The following IQSEC1 variants were observed in gnomAD, a reference collection of about 807,000 sequenced individuals.
IQSEC1 encodes IQ motif and SEC7 domain-containing protein 1.
A neutral mutation model predicts 91.0 loss-of-function variants in IQSEC1; 31 were observed. That is an observed-to-expected ratio of 0.34 (90% CI 0.26 to 0.46). The LOEUF (loss-of-function observed/expected upper bound fraction) is 0.46. IQSEC1 is among the 20% of genes least tolerant of loss of function. IQSEC1 has a pLI of 1.00. For missense variants in IQSEC1, 1,388 were observed against 1,575.6 expected, an observed-to-expected ratio of 0.88 and a Z score of 2.02; for synonymous variants, 699 against 662.6, an observed-to-expected ratio of 1.05 and a Z score of -0.84.
rs966762164 is a variant in IQSEC1 at position 13,022,031 on chromosome 3, A to T, written c.23+50961T>A. On this transcript the variant is annotated intron_variant, in intron 1 of 13. Coordinates refer to ENST00000613206, the MANE Select transcript of IQSEC1 (RefSeq NM_001134382.3). ...AGAGCAGCCATGCACGCGTCCCGGTACCTGAGTGTCCTCACAGAGATGCAG... is the reference window on the plus strand; with the variant it reads ...AGAGCAGCCATGCACGCGTCCCGGTTCCTGAGTGTCCTCACAGAGATGCAG... 3.2e-6 allele frequency: 4 copies of T among 1,231,486 alleles called. No homozygotes were observed. The African/African-American group carries it at 6.2e-5, about 19-fold the overall frequency. 76.3% of individuals were successfully genotyped at this position (1,231,486 alleles called of 1,614,324 possible).
At position 12,908,978 on chromosome 3, in the gene IQSEC1, G is replaced by A. The variant is rs1251668612; in HGVS notation, c.2578+295C>T. Among the ~76,000 whole-genome samples, 1 of 152,168 alleles carries A rather than the reference G, an allele frequency of 6.6e-6. No individual in the cohort carries two copies. The highest frequency in any genetic ancestry group is 6.5e-5 in the Admixed American group (1 of 15,274). The stretch of plus-strand genomic sequence containing the variant: ...AGCCTGATGCAGAAGATGACGAGGT[G>A]CAGAGAGGCCAGCTGGGAACTCTGC... On this transcript the variant is annotated intron_variant, in intron 11 of 13. Transcript: ENST00000613206. This position sits in a 1 kb window ranked among gnomAD's most constrained non-coding sequence, Gnocchi z 4.9.
intron 1 of IQSEC1, among the ~76,000 whole-genome samples, chr3:13,033,397 G>T (rs1019722748): frequency 6.6e-6 from 1 of 152,116 alleles, no homozygotes; most frequent in Non-Finnish European, 1.5e-5. Flanking sequence ...AGAGCGAGGC[G>T]CATTTCTCCT....
At chr3:13,048,674 A>C (rs956399809) in intron 1 of IQSEC1, among the ~76,000 whole-genome samples, 1 of 152,184 alleles carries the variant, frequency 6.6e-6, no homozygotes, top group African/African-American at 2.4e-5. Context: ...AAGGAGGCTG[A>C]CCTTCCTTCC....
intron 1 of IQSEC1, among the ~76,000 whole-genome samples, chr3:13,005,452 G>A (rs1247090330): frequency 1.3e-5 from 2 of 152,166 alleles, no homozygotes; most frequent in Non-Finnish European, 2.9e-5. Context: ...GCAGCAGCTG[G>A]GCCAAGGCTG....
intron 1 of IQSEC1, among the ~76,000 whole-genome samples, chr3:13,236,746 C>T (rs763052464): frequency 7.2e-5 from 11 of 152,248 alleles, no homozygotes; most frequent in Non-Finnish European, 1.6e-4. Context: ...GAAGGGTGGG[C>T]TCGCTGCCAT....
intron 2 of IQSEC1, among the ~76,000 whole-genome samples, chr3:13,154,996 G>A (rs1707063366): frequency 6.6e-6 from 1 of 152,114 alleles, no homozygotes; most frequent in Non-Finnish European, 1.5e-5. Flanking sequence ...GTAGTACTAA[G>A]GAGGAAATTT....
At chr3:13,130,360 AAAG>A (rs1380071360) in intron 2 of IQSEC1, among the ~76,000 whole-genome samples, 4 of 144,814 alleles carry the variant, frequency 2.8e-5, no homozygotes, top group African/African-American at 1.1e-4. Flanking sequence ...AAAAAAAAAA[AAAG>A]AAAGAAAGAA....
intron 1 of IQSEC1, among the ~76,000 whole-genome samples, chr3:13,219,908 G>A (rs573256254): frequency 9.2e-5 from 14 of 152,308 alleles, no homozygotes; most frequent in Admixed American, 3.9e-4. Flanking sequence ...TTTGACTTTG[G>A]GACTTGAATG....
At chr3:13,033,356 A>T (rs181763382) in intron 1 of IQSEC1, among the ~76,000 whole-genome samples, 12 of 152,226 alleles carry the variant, frequency 7.9e-5, no homozygotes, top group African/African-American at 2.2e-4. Flanking sequence ...AACAGAAATG[A>T]GTTTCCTCAC....
chr3:12,930,775 G>A (rs1191744608), intron 3 of IQSEC1, among the ~76,000 whole-genome samples: 1 of 152,120 alleles, frequency 6.6e-6, no homozygotes, highest in African/African-American at 2.4e-5. Context: ...CATGATTAAC[G>A]CAGAGACCAA....
chr3:12,993,953 C>T (rs1314348537), intron 1 of IQSEC1, among the ~76,000 whole-genome samples: 1 of 151,720 alleles, frequency 6.6e-6, no homozygotes, highest in Non-Finnish European at 1.5e-5. Context: ...CAACCGCGGC[C>T]CCGGGGGCGG....
chr3:13,117,667 A>G (rs1706358917), intron 2 of IQSEC1, among the ~76,000 whole-genome samples: 1 of 150,616 alleles, frequency 6.6e-6, no homozygotes, highest in African/African-American at 2.5e-5. Context: ...CAGGTGGATC[A>G]CAAGGACAGG....
intron 1 of IQSEC1, among the ~76,000 whole-genome samples, chr3:13,044,130 C>T (rs1015480703): frequency 1.3e-5 from 2 of 152,200 alleles, no homozygotes; most frequent in South Asian, 4.1e-4. Flanking sequence ...AACAAAGTCT[C>T]CCACCTCAGG....
chr3:12,934,808 C>T (rs1698018364), intron 3 of IQSEC1, among the ~76,000 whole-genome samples: 1 of 152,122 alleles, frequency 6.6e-6, no homozygotes, highest in Admixed American at 6.5e-5. Flanking sequence ...CCAGGACCCC[C>T]TTGGGGAGCA....
At chr3:12,920,915 G>C (rs1402357224) in intron 5 of IQSEC1, among the ~76,000 whole-genome samples, 3 of 152,150 alleles carry the variant, frequency 2.0e-5, no homozygotes, top group Non-Finnish European at 4.4e-5. Flanking sequence ...TGCCTGTAAG[G>C]CTGGGCCCCT....
chr3:13,243,385 C>T (rs1251737015), intron 1 of IQSEC1, among the ~76,000 whole-genome samples: 1 of 152,098 alleles, frequency 6.6e-6, no homozygotes, highest in African/African-American at 2.4e-5. Context: ...AAGTCAGGAG[C>T]CCTGCGGAGG....
intron 2 of IQSEC1, among the ~76,000 whole-genome samples, chr3:13,088,656 G>A (rs184926609): frequency 6.6e-6 from 1 of 152,068 alleles, no homozygotes; most frequent in Non-Finnish European, 1.5e-5. Context: ...ACCCCACTCA[G>A]AATAAAAACC....
At chr3:13,261,289 G>A (rs967841421) in intron 1 of IQSEC1, among the ~76,000 whole-genome samples, 2 of 152,150 alleles carry the variant, frequency 1.3e-5, no homozygotes, top group East Asian at 1.9e-4. Flanking sequence ...ATGTCCGGTC[G>A]ATGTGGAGGG....
In IQSEC1 at chr3:13,129,655, A is replaced by ATTTT. The variant is rs35069619; in HGVS notation, c.302+34445_302+34448dup. Among the ~76,000 whole-genome samples the ATTTT allele has an allele frequency of 3.7e-3, 442 of 118,260 alleles. 4 individuals are homozygous for ATTTT. Among genetic ancestry groups the ATTTT allele is most frequent in the East Asian group, 5.1e-3 (21 of 4,096 alleles). The allele number at this position is 118,260 out of a possible 152,430, so 77.6% of individuals were successfully genotyped here. ...GTACTGCTTTAGTAACATCTTATGA[A>ATTTT]TTTTTTTTTTTTTTTTTTTTGAGAC... On this transcript the variant is annotated intron_variant, in intron 2 of 15. Coordinates refer to the IQSEC1 transcript ENST00000648114.
Sources: gnomAD v4.1 joint callset for allele counts (sites outside exome capture counted in the v4.1 genomes callset) on GRCh38, gnomAD v4.1.1 for gene constraint, Gnocchi (gnomAD v3.1) non-coding constraint, MANE v1.5 for transcripts, NCBI Gene and HGNC (gene_info 2026-07-23, HGNC 2026-07-21) for gene names.